The following FHIT variants were observed in gnomAD, a reference collection of about 807,000 sequenced individuals.
FHIT encodes bis(5'-adenosyl)-triphosphatase.
FHIT carries 19 observed loss-of-function variants against 17.9 expected under a neutral mutation model. That is an observed-to-expected ratio of 1.06 (90% CI 0.74 to 1.56). The LOEUF is 1.56. Ranked by LOEUF, FHIT falls within the 40% of genes most tolerant of loss-of-function variation. The probability of loss-of-function intolerance (pLI) is 0.00; values close to 1 mark genes in which losing one functional copy is unlikely to be tolerated. For missense variants in FHIT, 248 were observed against 189.2 expected (o/e 1.31, Z -1.82); for synonymous variants, 81 against 69.7 (o/e 1.16, Z -0.81).
intron 5 of FHIT, among the ~76,000 whole-genome samples, chr3:60,118,765 T>TGGGGGGGGGGGGGGGGGG (rs1344863035): frequency 7.8e-4 from 1 of 1,274 alleles, no homozygotes; most frequent in Non-Finnish European, 1.5e-3. Flanking sequence ...GAGGCTGAGG[T>TGGGGGGGGGGGGGGGGGG]GGGGGCGGCG....
At chr3:59,996,782 T>A (rs911044504) in intron 7 of FHIT, among the ~76,000 whole-genome samples, 2 of 152,118 alleles carry the variant, frequency 1.3e-5, no homozygotes, top group East Asian at 3.9e-4. Context: ...TGAGAATGTA[T>A]TCCATTGCTA....
intron 5 of FHIT, among the ~76,000 whole-genome samples, chr3:60,460,662 T>C (rs1239215049): frequency 6.6e-6 from 1 of 152,194 alleles, no homozygotes; most frequent in African/African-American, 2.4e-5. Context: ...GGAGGATCCA[T>C]CTCTCCCAAA....
intron 2 of FHIT, among the ~76,000 whole-genome samples, chr3:61,080,832 GA>G (rs1210834739): frequency 1.3e-4 from 19 of 144,758 alleles, no homozygotes; most frequent in African/African-American, 2.0e-4. Flanking sequence ...CCCACAGCAG[GA>G]AAAAAAAAAA....
intron 5 of FHIT, among the ~76,000 whole-genome samples, chr3:60,201,717 T>A (rs1422665752): frequency 1.3e-5 from 2 of 152,142 alleles, no homozygotes; most frequent in Admixed American, 1.3e-4. Context: ...ACCTATCTCA[T>A]AACTTTTTTT....
At chr3:60,615,797 G>T (rs1419172760) in intron 4 of FHIT, among the ~76,000 whole-genome samples, 1 of 152,124 alleles carries the variant, frequency 6.6e-6, no homozygotes, top group Non-Finnish European at 1.5e-5. Context: ...ATAAGATAAG[G>T]CTCCATCTAA....
chr3:60,565,490 T>C (rs951814152), intron 4 of FHIT, among the ~76,000 whole-genome samples: 1 of 152,190 alleles, frequency 6.6e-6, no homozygotes. Flanking sequence ...TGGATTCTAA[T>C]AGATGCCTGT....
At chr3:60,040,595 G>A (rs115733520) in intron 5 of FHIT, among the ~76,000 whole-genome samples, 1 of 152,208 alleles carries the variant, frequency 6.6e-6, no homozygotes, top group Admixed American at 6.5e-5. Context: ...GCCTGGTTCT[G>A]GCTCTCTCAT....
chr3:60,647,622 C>T (rs2039892017), intron 4 of FHIT, among the ~76,000 whole-genome samples: 1 of 152,068 alleles, frequency 6.6e-6, no homozygotes, highest in Non-Finnish European at 1.5e-5. Flanking sequence ...CAAGGGCTTG[C>T]CAAAAGAAGA....
At chr3:60,489,632 T>C (rs2033981606) in intron 5 of FHIT, among the ~76,000 whole-genome samples, 1 of 152,230 alleles carries the variant, frequency 6.6e-6, no homozygotes, top group Non-Finnish European at 1.5e-5. Context: ...AACATCTGCC[T>C]GCTTTAGATA....
intron 5 of FHIT, among the ~76,000 whole-genome samples, chr3:60,130,760 G>C (rs1423581588): frequency 0.13 from 1,086 of 8,302 alleles, 2 homozygotes; most frequent in Middle Eastern, 0.25. Context: ...GTGTGTGTGT[G>C]TGTGTTTGTG....
At chr3:60,808,634 T>C (rs1200121271) in intron 4 of FHIT, among the ~76,000 whole-genome samples, 1 of 152,176 alleles carries the variant, frequency 6.6e-6, no homozygotes, top group Non-Finnish European at 1.5e-5. Context: ...GAGGTTTCCT[T>C]TACAGCTGGA....
At chr3:61,075,499 T>C (rs1219011927) in intron 2 of FHIT, among the ~76,000 whole-genome samples, 4 of 151,914 alleles carry the variant, frequency 2.6e-5, no homozygotes, top group Admixed American at 6.6e-5. Context: ...AGGAAGACCA[T>C]TGCATAGAAA....
chr3:60,745,474 A>G (rs2042337540), intron 4 of FHIT, among the ~76,000 whole-genome samples: 1 of 152,226 alleles, frequency 6.6e-6, no homozygotes. Flanking sequence ...TTCCAGCAAC[A>G]TAAAGCTATT....
intron 5 of FHIT, among the ~76,000 whole-genome samples, chr3:60,175,870 C>A (rs1576255068): frequency 6.6e-6 from 1 of 152,184 alleles, no homozygotes; most frequent in South Asian, 2.1e-4. Context: ...CCCATAGAAA[C>A]CATGACTCAG....
intron 5 of FHIT, among the ~76,000 whole-genome samples, chr3:60,282,381 A>G (rs12638426): frequency 0.25 from 38,081 of 152,066 alleles, 5,496 homozygotes; most frequent in East Asian, 0.69. Flanking sequence ...GCCATATGAC[A>G]TTATGGAAAA....
chr3:59,927,203 G>A (rs1000285184), intron 7 of FHIT, among the ~76,000 whole-genome samples: 1 of 152,100 alleles, frequency 6.6e-6, no homozygotes, highest in Non-Finnish European at 1.5e-5. Context: ...AGACAAAAAC[G>A]GCCACATATT....
chr3:60,326,611 C>T (rs371880387), intron 5 of FHIT, among the ~76,000 whole-genome samples: 1 of 152,124 alleles, frequency 6.6e-6, no homozygotes, highest in African/African-American at 2.4e-5. Context: ...GGCTGGGGAC[C>T]CCTGTCCTAA....
intron 5 of FHIT, among the ~76,000 whole-genome samples, chr3:60,152,889 CG>C (rs1576210666): frequency 6.6e-6 from 1 of 152,064 alleles, no homozygotes; most frequent in East Asian, 1.9e-4. Context: ...AAGTTGCTTA[CG>C]GTACAACCTC....
chr3:60,814,318 T>C (rs782555741), intron 4 of FHIT, among the ~76,000 whole-genome samples: 2 of 152,108 alleles, frequency 1.3e-5, no homozygotes, highest in Non-Finnish European at 2.9e-5. Context: ...GTACTGAGCA[T>C]AGTACTCACC....
Sources: gnomAD v4.1 joint callset for allele counts (sites outside exome capture counted in the v4.1 genomes callset) on GRCh38, gnomAD v4.1.1 for gene constraint, MANE v1.5 for transcripts, NCBI Gene and HGNC (gene_info 2026-07-23, HGNC 2026-07-21) for gene names.